Variants in CYB5R3 observed in about 807,000 individuals in gnomAD.
CYB5R3 encodes the protein NADH-cytochrome b5 reductase 3.
A neutral mutation model predicts 36.5 loss-of-function variants in CYB5R3; 28 were observed. The ratio of observed to expected loss-of-function variants is 0.77; its 90% CI spans 0.57 to 1.05. CYB5R3 has a LOEUF of 1.05. CYB5R3 is among the 50% of genes least tolerant of loss of function. CYB5R3 has a pLI of 0.00. For missense variants in CYB5R3, 474 were observed against 408.9 expected (o/e 1.16, Z -1.37); for synonymous variants, 181 against 159.8 (o/e 1.13, Z -1.00).
At chr22:42,635,325 C>T (rs553788918) in intron 2 of CYB5R3, among the ~76,000 whole-genome samples, 6 of 151,474 alleles carry the variant, frequency 4.0e-5, no homozygotes, top group African/African-American at 9.7e-5. Flanking sequence ...AGGATGGTCT[C>T]GATCTCCTGA....
At chr22:42,629,497 T>A (rs1232640061) in intron 4 of CYB5R3, among the ~76,000 whole-genome samples, 1 of 152,162 alleles carries the variant, frequency 6.6e-6, no homozygotes, top group African/African-American at 2.4e-5. Flanking sequence ...AGCACTGGCT[T>A]CCCCATGACT....
chr22:42,639,196 GGCAGGCTACCCCA>G, intron 1 of CYB5R3: 3 of 298,692 alleles, frequency 1.0e-5, no homozygotes, highest in Non-Finnish European at 2.0e-5. Context: ...TGGGTGTGGT[GGCAGGCTACCCCA>G]GCTACTCAGG....
chr22:42,625,991 G>T (rs563622059), intron 7 of CYB5R3, among the ~76,000 whole-genome samples: 1 of 152,330 alleles, frequency 6.6e-6, no homozygotes, highest in South Asian at 2.1e-4. Context: ...AAAACAGAAT[G>T]ATGTTTTCTA....
In CYB5R3 at chr22:42,640,352, T is replaced by C. The variant is rs539410853; in HGVS notation, c.22-3506A>G. 3.3e-4 allele frequency: 12 copies of C among 35,822 alleles called. No individual in the cohort carries two copies. In the African/African-American group the frequency reaches 5.4e-3, roughly 16 times the overall value. The allele number at this position is 35,822 out of a possible 1,614,324, so 2.2% of individuals were successfully genotyped here. On this transcript the variant is annotated intron_variant, in intron 1 of 8. Transcript: ENST00000352397. ...CCGGAAGGACCCTGCGTGGTTCACT[T>C]ATTTATTTATTTATTTATTTATTTA...
intron 1 of CYB5R3, among the ~76,000 whole-genome samples, chr22:42,645,777 G>C (rs1177604234): frequency 6.6e-6 from 1 of 152,180 alleles, no homozygotes; most frequent in African/African-American, 2.4e-5. Context: ...AGAAGGGGTG[G>C]GCTTTTTATA....
chr22:42,649,379 G>T lies in CYB5R3; in HGVS notation c.-64C>A. ...CCGCCGCCGAGACCGTCGCGCCCGG[G>T]CCCGCGTCACTCCGGAGCAGGGGCG... On this transcript the variant is annotated 5_prime_UTR_variant, in exon 1 of 9. Coordinates refer to ENST00000352397, the MANE Select transcript of CYB5R3 (RefSeq NM_000398.7). 1 of 585,040 alleles carries T rather than the reference G, an allele frequency of 1.7e-6. No homozygotes were observed. The highest frequency in any genetic ancestry group is 2.0e-5 in the African/African-American group (1 of 49,360). 36.2% of individuals were successfully genotyped at this position (585,040 alleles called of 1,614,324 possible).
In CYB5R3 at chr22:42,647,980, G is replaced by A. The variant is rs1488462501; in HGVS notation, c.21+1315C>T. Among the ~76,000 whole-genome samples the A allele has an allele frequency of 2.0e-5, 3 of 152,210 alleles. No homozygotes were observed. In the East Asian group the frequency reaches 5.8e-4, roughly 29 times the overall value. ...CCACCAAAAACAGCAGGGAAGGGTTGGGTGGAGACCAGGGGAAGCTTTAGA... is the reference window on the plus strand; with the variant it reads ...CCACCAAAAACAGCAGGGAAGGGTTAGGTGGAGACCAGGGGAAGCTTTAGA... On this transcript the variant is annotated intron_variant, in intron 1 of 8. Coordinates refer to ENST00000352397, the MANE Select transcript of CYB5R3 (RefSeq NM_000398.7).
intron 4 of CYB5R3, 71 bp downstream of exon 4, chr22:42,630,811 G>A: frequency 7.6e-7 from 1 of 1,320,372 alleles, no homozygotes; most frequent in South Asian, 1.2e-5. Context: ...CCCTGTCCAG[G>A]GGGTCCACAT....
intron 8 of CYB5R3, among the ~76,000 whole-genome samples, chr22:42,620,837 G>T (rs1025138126): frequency 6.6e-6 from 1 of 152,190 alleles, no homozygotes; most frequent in South Asian, 2.1e-4. Context: ...CACCTTGGCT[G>T]CTGGGAAGCC....
intron 2 of CYB5R3, among the ~76,000 whole-genome samples, chr22:42,634,437 T>C (rs1040343315): frequency 6.6e-6 from 1 of 152,040 alleles, no homozygotes; most frequent in African/African-American, 2.4e-5. Flanking sequence ...GATTTACTTT[T>C]TTTTGCTTTT....
At chr22:42,644,738 A>G (rs1340717704) in intron 1 of CYB5R3, 1 of 813,200 alleles carries the variant, frequency 1.2e-6, no homozygotes, top group African/African-American at 1.9e-5. Flanking sequence ...ACAGGAAATC[A>G]CCATTGTTGG....
At position 42,628,179 on chromosome 22, in the gene CYB5R3, T is replaced by C. The variant is rs765970420; in HGVS notation, c.436A>G (p.Ser146Gly). The change falls in exon 5 of 9, where the codon AGT becomes GGT. Residue 146 changes from serine (S) to glycine (G), a missense_variant. Physicochemically the swap from Ser to Gly is moderately conservative, Grantham distance 56. Transcript: ENST00000352397. ...IGDTIEFRGPSGLLVYQGKGK... is the reference protein window; with the variant it reads ...IGDTIEFRGPGGLLVYQGKGK... Reference sequence around the variant, plus strand: ...TTGCCCTGGTAGACCAGCAGCCCACTGGGGCCCCGGAACTCAATGGTGTCT... The same window carrying C: ...TTGCCCTGGTAGACCAGCAGCCCACCGGGGCCCCGGAACTCAATGGTGTCT... 7.0e-5 allele frequency: 113 copies of C among 1,613,972 alleles called. 1 individual carries two copies. In the South Asian group the frequency reaches 1.2e-3, roughly 17 times the overall value.
intron 4 of CYB5R3, among the ~76,000 whole-genome samples, chr22:42,629,689 G>A (rs1222628497): frequency 1.3e-5 from 2 of 152,230 alleles, no homozygotes; most frequent in East Asian, 3.9e-4. Context: ...GGTACCTGAG[G>A]GTGCTGGGCT....
intron 1 of CYB5R3, 82 bp from the exon 2 acceptor site, chr22:42,636,928 T>C (rs1928933613): frequency 6.5e-7 from 1 of 1,546,710 alleles, no homozygotes; most frequent in African/African-American, 1.4e-5. Flanking sequence ...ACCAGGCCTC[T>C]GCTCACGCTG....
Position 42,619,840 on chromosome 22 carries a change from A to G in CYB5R3, c.839T>C (p.Ile280Thr). 6.2e-7 allele frequency: 1 copy of G among 1,604,742 alleles called. No individual in the cohort carries two copies. Residue 280 changes from isoleucine to threonine, a missense_variant, in exon 9 of 9, where the codon ATC becomes ACC. Transcript: ENST00000352397. ...LVLMCGPPPMIQYACLPNLDH... is the reference protein window; with the variant it reads ...LVLMCGPPPMTQYACLPNLDH... ...CAGGTTGGGAAGGCAGGCGTACTGG[A>G]TCATGGGTGGGGGGCCACACATCAG...
intron 1 of CYB5R3, among the ~76,000 whole-genome samples, chr22:42,644,035 C>T (rs1030502671): frequency 1.3e-5 from 2 of 152,076 alleles, no homozygotes; most frequent in Admixed American, 6.5e-5. Flanking sequence ...TACACCAAAG[C>T]CAGCCCTCCA....
In CYB5R3 at chr22:42,628,329, G is replaced by A. The variant is rs768834981; in HGVS notation, c.334-48C>T. 23 of 1,610,192 alleles carry A rather than the reference G, an allele frequency of 1.4e-5. No homozygotes were observed. The East Asian group carries it at 3.6e-4, about 25-fold the overall frequency. ...TCAGTCCCCAGCTCCAGGTCTCAGG[G>A]GCGAGCTCTTGCCCACAGTGGGAGA... On this transcript the variant is annotated intron_variant, in intron 4 of 8. Transcript: ENST00000352397.
chr22:42,640,958 G>A (rs1389465357), intron 1 of CYB5R3, among the ~76,000 whole-genome samples: 4 of 152,002 alleles, frequency 2.6e-5, no homozygotes, highest in Non-Finnish European at 4.4e-5. Flanking sequence ...CCAGGTTGAA[G>A]CAATTCTTCT....
At chr22:42,642,931 T>C (rs1167938985) in intron 1 of CYB5R3, among the ~76,000 whole-genome samples, 1 of 152,204 alleles carries the variant, frequency 6.6e-6, no homozygotes, top group African/African-American at 2.4e-5. Context: ...TGTTCTCTTA[T>C]CATTACCCTA....
Sources: allele counts gnomAD v4.1 joint callset (sites outside exome capture counted in the v4.1 genomes callset), GRCh38; gene constraint gnomAD v4.1.1; transcripts MANE v1.5; gene names NCBI Gene and HGNC (gene_info 2026-07-23, HGNC 2026-07-21).